The following RBFOX1 variants were observed in gnomAD, a reference collection of about 807,000 sequenced individuals.
RBFOX1 encodes the protein RNA binding protein fox-1 homolog 1.
In RBFOX1, 8 loss-of-function variants were observed where a neutral mutation model predicts 57.7. The ratio of observed to expected loss-of-function variants is 0.14; its 90% CI spans 0.08 to 0.25. The LOEUF is 0.25. Ranked by LOEUF, RBFOX1 falls within the 10% of genes least tolerant of loss-of-function variation. RBFOX1 has a pLI of 1.00. For missense variants in RBFOX1, 611 were observed against 548.5 expected, an observed-to-expected ratio of 1.11 and a Z score of -1.14; for synonymous variants, 326 against 222.4, an observed-to-expected ratio of 1.47 and a Z score of -4.15.
intron 2 of RBFOX1, among the ~76,000 whole-genome samples, chr16:5,570,775 G>C (rs955710437): frequency 2.0e-5 from 3 of 151,104 alleles, no homozygotes; most frequent in African/African-American, 7.3e-5. Flanking sequence ...GGGAGATCGA[G>C]GTTGTAGTGA....
intron 4 of RBFOX1, among the ~76,000 whole-genome samples, chr16:7,220,294 T>A (rs1026981259): frequency 6.6e-6 from 1 of 152,232 alleles, no homozygotes; most frequent in African/African-American, 2.4e-5. Flanking sequence ...TTCCTGGCTC[T>A]GACATTTCAT....
intron 4 of RBFOX1, among the ~76,000 whole-genome samples, chr16:7,092,401 C>T (rs939675053): frequency 4.6e-5 from 7 of 152,218 alleles, no homozygotes; most frequent in Non-Finnish European, 8.8e-5. Context: ...AATGAGATCA[C>T]ACTGCTTTAG....
chr16:7,232,204 A>T (rs1307899484), intron 4 of RBFOX1, among the ~76,000 whole-genome samples: 1 of 152,096 alleles, frequency 6.6e-6, no homozygotes, highest in African/African-American at 2.4e-5. Context: ...TTGTATTTTT[A>T]TGAGAGACGG....
chr16:6,036,744 G>A (rs998832951), intron 1 of RBFOX1, among the ~76,000 whole-genome samples: 4 of 152,110 alleles, frequency 2.6e-5, no homozygotes, highest in African/African-American at 7.2e-5. Flanking sequence ...TAGATGGGAG[G>A]CACCAGTGAA....
intron 4 of RBFOX1, among the ~76,000 whole-genome samples, chr16:7,061,638 T>A (rs1054759679): frequency 2.6e-5 from 4 of 152,214 alleles, no homozygotes; most frequent in African/African-American, 9.6e-5. Context: ...TGCTTTAATT[T>A]AGCCTATTAT....
chr16:6,597,445 G>A (rs1226580936), intron 2 of RBFOX1, among the ~76,000 whole-genome samples: 2 of 152,038 alleles, frequency 1.3e-5, no homozygotes, highest in African/African-American at 2.4e-5. Flanking sequence ...AGGCCGAGGT[G>A]GGCGGATCAC....
intron 4 of RBFOX1, among the ~76,000 whole-genome samples, chr16:7,296,124 C>G (rs2095883067): frequency 6.6e-6 from 1 of 151,558 alleles, no homozygotes; most frequent in Non-Finnish European, 1.5e-5. Context: ...GATCCACAGA[C>G]TCATTGGATT....
chr16:6,001,193 C>T (rs1374851254), intron 4 of RBFOX1, among the ~76,000 whole-genome samples: 1 of 152,200 alleles, frequency 6.6e-6, no homozygotes, highest in East Asian at 1.9e-4. Flanking sequence ...ATCATCTTTG[C>T]ACAGCATGCT....
chr16:6,581,717 C>G (rs1182063097), intron 2 of RBFOX1, among the ~76,000 whole-genome samples: 1 of 152,180 alleles, frequency 6.6e-6, no homozygotes, highest in Non-Finnish European at 1.5e-5. Flanking sequence ...TAATGAGGGA[C>G]TCACAGCTGT....
chr16:7,570,541 C>A (rs932737979), intron 5 of RBFOX1, among the ~76,000 whole-genome samples: 1 of 152,180 alleles, frequency 6.6e-6, no homozygotes, highest in Non-Finnish European at 1.5e-5. Context: ...AGTCATTTAT[C>A]TACGCTTGCA....
At chr16:5,494,862 C>G (rs1048616494) in intron 2 of RBFOX1, among the ~76,000 whole-genome samples, 3 of 152,152 alleles carry the variant, frequency 2.0e-5, no homozygotes, top group Non-Finnish European at 2.9e-5. Flanking sequence ...AAATATGATC[C>G]TCAGTGGACC....
intron 2 of RBFOX1, among the ~76,000 whole-genome samples, chr16:6,399,354 G>A (rs1056350293): frequency 2.6e-5 from 4 of 152,268 alleles, no homozygotes; most frequent in African/African-American, 7.2e-5. Context: ...TGTTACTTAT[G>A]CGGATTTCTT....
intron 3 of RBFOX1, among the ~76,000 whole-genome samples, chr16:6,848,864 T>C (rs1178848135): frequency 1.3e-5 from 2 of 152,172 alleles, no homozygotes; most frequent in African/African-American, 4.8e-5. Context: ...TCACTGATTG[T>C]ATTTCCTCAG....
At chr16:7,341,119 T>A (rs1230417527) in intron 4 of RBFOX1, among the ~76,000 whole-genome samples, 1 of 152,060 alleles carries the variant, frequency 6.6e-6, no homozygotes. Flanking sequence ...CACCCCTATT[T>A]ATGTTTTTCC....
At chr16:6,348,244 T>C (rs954782017) in intron 2 of RBFOX1, among the ~76,000 whole-genome samples, 2 of 152,186 alleles carry the variant, frequency 1.3e-5, no homozygotes, top group African/African-American at 4.8e-5. Flanking sequence ...CTCCACTGTT[T>C]AGGAGCTGTG....
chr16:7,450,208 A>G (rs372147425), intron 4 of RBFOX1, among the ~76,000 whole-genome samples: 4 of 152,192 alleles, frequency 2.6e-5, no homozygotes, highest in African/African-American at 9.6e-5. Flanking sequence ...ATCCTGGCCA[A>G]TGTGGTGAAA....
chr16:5,636,994 G>A (rs948534353), intron 3 of RBFOX1, among the ~76,000 whole-genome samples: 2 of 152,146 alleles, frequency 1.3e-5, no homozygotes, highest in Non-Finnish European at 2.9e-5. Flanking sequence ...CTTCTTGTGG[G>A]AGTTCGGGCC....
At chr16:6,802,150 G>T (rs926216623) in intron 3 of RBFOX1, among the ~76,000 whole-genome samples, 1 of 151,578 alleles carries the variant, frequency 6.6e-6, no homozygotes, top group Non-Finnish European at 1.5e-5. Context: ...CCCCAGGAAA[G>T]GCCTGGGCAC....
intron 1 of RBFOX1, among the ~76,000 whole-genome samples, chr16:6,146,742 T>A (rs533221118): frequency 6.6e-6 from 1 of 152,234 alleles, no homozygotes; most frequent in Admixed American, 6.5e-5. Flanking sequence ...TGCTGTTCAT[T>A]ATACCTTTAC....
Sources: allele counts gnomAD v4.1 joint callset (sites outside exome capture counted in the v4.1 genomes callset), GRCh38; gene constraint gnomAD v4.1.1; transcripts MANE v1.5; gene names NCBI Gene and HGNC (gene_info 2026-07-23, HGNC 2026-07-21).